The following HOMER2 variants were observed in gnomAD, a reference collection of about 807,000 sequenced individuals.
HOMER2 encodes the protein homer scaffold protein 2, also known as homer protein homolog 2.
Under a neutral mutation model 47.0 loss-of-function variants are expected in HOMER2, and 27 were observed. The observed-to-expected ratio is 0.57, with a 90% CI of 0.42 to 0.79. The LOEUF (loss-of-function observed/expected upper bound fraction) is 0.79, where lower values mean the gene tolerates loss of function less well. Among genes scored for constraint, HOMER2 ranks in the 30% least tolerant of loss-of-function variants. HOMER2 has a pLI of 0.00. For missense variants in HOMER2, 443 were observed against 435.0 expected, an observed-to-expected ratio of 1.02 and a Z score of -0.16; for synonymous variants, 161 against 163.8, an observed-to-expected ratio of 0.98 and a Z score of 0.13.
chr15:82,861,470 C>G (rs1414213653), intron 4 of HOMER2, among the ~76,000 whole-genome samples: 1 of 152,076 alleles, frequency 6.6e-6, no homozygotes, highest in Non-Finnish European at 1.5e-5. Flanking sequence ...CACACCAAAA[C>G]ACTAATAAAA....
At chr15:82,924,051 G>A (rs2053798724) in intron 1 of HOMER2, among the ~76,000 whole-genome samples, 3 of 152,196 alleles carry the variant, frequency 2.0e-5, no homozygotes, top group Non-Finnish European at 1.5e-5. Context: ...GAGAACAAGA[G>A]GTGATGGGAG....
At chr15:82,835,723 A>C (rs2051119307), downstream of HOMER2, 1 of 152,360 alleles carries the variant, frequency 6.6e-6, no homozygotes, top group African/African-American at 2.4e-5. Flanking sequence ...CCAGGTTCCC[A>C]GGGGTGTTCC....
At chr15:82,945,179 T>C (rs2054348695) in intron 1 of HOMER2, among the ~76,000 whole-genome samples, 1 of 150,446 alleles carries the variant, frequency 6.6e-6, no homozygotes, top group South Asian at 2.1e-4. Context: ...CAGTAATTCA[T>C]TTAAAGCAAA....
At chr15:82,952,851 G>T, upstream of HOMER2, 1 of 312,568 alleles carries the variant, frequency 3.2e-6, no homozygotes, top group Non-Finnish European at 4.6e-6. Context: ...GGCGGGGGGC[G>T]CAGCACTGTG....
In HOMER2 at chr15:82,849,886, A is replaced by T. The variant is rs2051333311; in HGVS notation, c.861T>A (p.Asn287Lys). ...SEKLEAAERD[N>K]QNLEDKVRSL... ...AACGCACTTTGTCTTCCAGGTTTTG[A>T]TTGTCTCTCTCTGCCGCCTGGCCAA... Residue 287 changes from asparagine (N) to lysine (K), a missense_variant, in exon 9 of 9, where the codon AAT becomes AAA. By Grantham distance (94) the Asn-to-Lys change is moderately conservative. Coordinates refer to ENST00000450735, the MANE Select transcript of HOMER2 (RefSeq NM_004839.4). 1.2e-6 allele frequency: 2 copies of T among 1,613,796 alleles called. No individual in the cohort carries two copies. Among genetic ancestry groups the T allele is most frequent in the Non-Finnish European group, 1.7e-6 (2 of 1,179,780 alleles).
rs370911771 is a variant in HOMER2, at chr15:82,983,087, C to T, written n.82+2700G>A. On this transcript the variant is annotated intron_variant and non_coding_transcript_variant, in intron 1 of 1. Coordinates refer to the HOMER2 transcript ENST00000500334. ...AACATCATAGCTTAGCTTAGCCTACCTTAAACATGCTCAGAACACTTACAT... is the reference window on the plus strand; with the variant it reads ...AACATCATAGCTTAGCTTAGCCTACTTTAAACATGCTCAGAACACTTACAT... 3.6e-4 allele frequency among the ~76,000 whole-genome samples: 55 copies of T among 152,312 alleles called. 1 individual carries two copies. The East Asian group carries it at 7.7e-3, about 21-fold the overall frequency.
intron 1 of HOMER2, among the ~76,000 whole-genome samples, chr15:82,938,210 G>GA (rs1390093007): frequency 2.6e-5 from 4 of 152,016 alleles, no homozygotes; most frequent in African/African-American, 4.8e-5. Flanking sequence ...CGTCTCTACT[G>GA]AAAAAACACA....
chr15:82,907,408 G>T (rs1567046530), intron 1 of HOMER2, among the ~76,000 whole-genome samples: 1 of 133,226 alleles, frequency 7.5e-6, no homozygotes, highest in African/African-American at 2.8e-5. Flanking sequence ...AGAAAGAGAA[G>T]GAAAGAAAGA....
chr15:82,940,469 C>T (rs775329574), intron 1 of HOMER2, among the ~76,000 whole-genome samples: 18 of 152,130 alleles, frequency 1.2e-4, no homozygotes, highest in African/African-American at 3.1e-4. Context: ...ATGGGCTGGG[C>T]GTGGTGGGTC....
chr15:82,866,633 C>A (rs778333407), intron 3 of HOMER2, among the ~76,000 whole-genome samples: 1 of 152,154 alleles, frequency 6.6e-6, no homozygotes, highest in African/African-American at 2.4e-5. Context: ...ATGGGAAGAA[C>A]CTGGTGGGAG....
chr15:82,935,041 C>T (rs762597019), intron 1 of HOMER2, among the ~76,000 whole-genome samples: 17 of 152,044 alleles, frequency 1.1e-4, no homozygotes, highest in Non-Finnish European at 2.2e-4. Flanking sequence ...GGCTCTGAAC[C>T]ACAGCCTCTC....
At chr15:82,881,597 C>T (rs1209548740) in intron 2 of HOMER2, among the ~76,000 whole-genome samples, 1 of 152,184 alleles carries the variant, frequency 6.6e-6, no homozygotes, top group Non-Finnish European at 1.5e-5. Context: ...TATGCTTGCT[C>T]CCTTAACAGA....
chr15:82,931,132 A>G (rs2053999067), intron 1 of HOMER2, among the ~76,000 whole-genome samples: 1 of 151,868 alleles, frequency 6.6e-6, no homozygotes, highest in African/African-American at 2.4e-5. Context: ...GCATTCTACC[A>G]CATGCCACCT....
exon 2 of HOMER2, chr15:82,842,588 A>T (rs1277522449): frequency 6.7e-6 from 1 of 150,158 alleles, no homozygotes; most frequent in Non-Finnish European, 1.5e-5. Context: ...TGCTGGGATT[A>T]CAGGCGTGAG....
At chr15:82,944,590 C>T (rs1192527863) in intron 1 of HOMER2, among the ~76,000 whole-genome samples, 1 of 152,162 alleles carries the variant, frequency 6.6e-6, no homozygotes, top group Admixed American at 6.5e-5. Flanking sequence ...CTGCTGTTCA[C>T]GTTTGACAAA....
chr15:82,955,549 A>G (rs1346186190), upstream of HOMER2, among the ~76,000 whole-genome samples: 1 of 152,208 alleles, frequency 6.6e-6, no homozygotes, highest in Non-Finnish European at 1.5e-5. Context: ...GATTTCTGGT[A>G]TGGCTGGTCC....
intron 5 of HOMER2, among the ~76,000 whole-genome samples, chr15:82,857,453 CAG>C (rs2051625758): frequency 1.0e-5 from 1 of 100,154 alleles, no homozygotes; most frequent in African/African-American, 4.0e-5. Flanking sequence ...TTTTTTGAGA[CAG>C]AGTCTTGCTC....
intron 1 of HOMER2, among the ~76,000 whole-genome samples, chr15:82,923,650 T>C (rs1268600200): frequency 1.3e-5 from 2 of 152,070 alleles, no homozygotes; most frequent in Non-Finnish European, 2.9e-5. Context: ...GCTGAGAACA[T>C]GCTCTACAGC....
At chr15:82,850,945 C>T (rs1345449862) in intron 8 of HOMER2, among the ~76,000 whole-genome samples, 4 of 152,244 alleles carry the variant, frequency 2.6e-5, no homozygotes, top group Admixed American at 1.3e-4. Context: ...ACTTGCAAAA[C>T]CAAAAGACAA....
Sources: gnomAD v4.1 joint callset for allele counts (sites outside exome capture counted in the v4.1 genomes callset) on GRCh38, gnomAD v4.1.1 for gene constraint, MANE v1.5 for transcripts, NCBI Gene and HGNC (gene_info 2026-07-23, HGNC 2026-07-21) for gene names.